The following FHIP1A variants were observed in gnomAD, a reference collection of about 807,000 sequenced individuals.
FHIP1A encodes the protein FHF complex subunit HOOK interacting protein 1A.
Under a neutral mutation model 88.6 loss-of-function variants are expected in FHIP1A, and 61 were observed. The observed-to-expected ratio is 0.69, with a 90% CI of 0.56 to 0.85. FHIP1A has a LOEUF of 0.85. Among genes scored for constraint, FHIP1A ranks in the 40% least tolerant of loss-of-function variants. The pLI is 0.00. For missense variants in FHIP1A, 1,154 were observed against 1,273.5 expected (o/e 0.91, Z 1.43); for synonymous variants, 478 against 496.0 (o/e 0.96, Z 0.48).
intron 2 of FHIP1A, among the ~76,000 whole-genome samples, chr4:151,478,780 TA>T (rs1002276476): frequency 5.3e-5 from 8 of 151,788 alleles, no homozygotes; most frequent in Admixed American, 4.6e-4. Context: ...AATAACTACT[TA>T]AAAAAAACAC....
chr4:151,435,118 C>A (rs1028816392), intron 1 of FHIP1A, among the ~76,000 whole-genome samples: 1 of 152,002 alleles, frequency 6.6e-6, no homozygotes, highest in African/African-American at 2.4e-5. Context: ...TGGGAACATT[C>A]CAATTCTTCT....
chr4:151,495,565 G>T (rs1405584422), intron 3 of FHIP1A, among the ~76,000 whole-genome samples: 2 of 150,940 alleles, frequency 1.3e-5, no homozygotes, highest in Non-Finnish European at 3.0e-5. Context: ...TTTAAAAGTG[G>T]TTTGTCTCTC....
chr4:151,504,534 T>G (rs1328960471), intron 3 of FHIP1A, among the ~76,000 whole-genome samples: 16 of 152,098 alleles, frequency 1.1e-4, no homozygotes, highest in Admixed American at 4.6e-4. Context: ...AACAAGAAAT[T>G]TATTAGCTCA....
intron 13 of FHIP1A, among the ~76,000 whole-genome samples, chr4:151,659,368 T>G (rs1737368565): frequency 6.6e-6 from 1 of 152,208 alleles, no homozygotes; most frequent in African/African-American, 2.4e-5. Flanking sequence ...TGTGACATGA[T>G]TTCCTGTAAA....
intron 2 of FHIP1A, among the ~76,000 whole-genome samples, chr4:151,456,279 G>A (rs1728965827): frequency 6.6e-6 from 1 of 151,740 alleles, no homozygotes; most frequent in Non-Finnish European, 1.5e-5. Flanking sequence ...ACTCTAAAAT[G>A]AAAACAAATG....
intron 4 of FHIP1A, 68 bp from the exon 5 acceptor site, chr4:151,577,382 C>A: frequency 7.0e-7 from 1 of 1,418,922 alleles, no homozygotes; most frequent in South Asian, 1.5e-5. Context: ...TTGGTAAAAT[C>A]AGTGGTGATA....
At chr4:151,629,164 C>T (rs1021291806) in intron 7 of FHIP1A, among the ~76,000 whole-genome samples, 8 of 152,180 alleles carry the variant, frequency 5.3e-5, no homozygotes, top group African/African-American at 1.2e-4. Flanking sequence ...AGAAACACAT[C>T]GGAACATCTG....
intron 3 of FHIP1A, among the ~76,000 whole-genome samples, chr4:151,552,149 T>G (rs1364929138): frequency 6.6e-6 from 1 of 152,186 alleles, no homozygotes; most frequent in Non-Finnish European, 1.5e-5. Context: ...CCAGTTAGAA[T>G]GGCAATCATT....
chr4:151,517,873 C>G (rs558200850), intron 3 of FHIP1A, among the ~76,000 whole-genome samples: 2 of 152,042 alleles, frequency 1.3e-5, no homozygotes, highest in South Asian at 2.1e-4. Flanking sequence ...TTTTGTACAG[C>G]TGTACAATCT....
chr4:151,556,690 A>T (rs532751990), intron 3 of FHIP1A, among the ~76,000 whole-genome samples: 1 of 152,220 alleles, frequency 6.6e-6, no homozygotes, highest in South Asian at 2.1e-4. Context: ...GCCCCCTTAA[A>T]ACCAGAGATT....
chr4:151,649,740 G>T lies in FHIP1A; in HGVS notation c.1699G>T (p.Ala567Ser), dbSNP rs1490084216. The T allele has an allele frequency of 5.8e-6, 9 of 1,551,656 alleles. No homozygotes were observed. In the South Asian group the frequency reaches 9.5e-5, roughly 16 times the overall value. ...CCCCAGGAAGACAGGACCTCAGCTG[G>T]CTCCCAGAAAGGACAAGAGCCAGAC... ...QLPRKTGPQL[A>S]PRKDKSQTEL... Residue 567 changes from alanine (A) to serine (S), a missense_variant, in exon 11 of 14, where the codon GCT becomes TCT. By Grantham distance (99) the Ala-to-Ser change is moderately conservative. Transcript: ENST00000435205.
chr4:151,542,645 A>G (rs1393730400), intron 3 of FHIP1A, among the ~76,000 whole-genome samples: 1 of 152,158 alleles, frequency 6.6e-6, no homozygotes, highest in Non-Finnish European at 1.5e-5. Context: ...CAGTTGCCTC[A>G]TGAACTGGCC....
At chr4:151,500,743 C>G (rs1730621477) in intron 3 of FHIP1A, among the ~76,000 whole-genome samples, 1 of 152,192 alleles carries the variant, frequency 6.6e-6, no homozygotes, top group African/African-American at 2.4e-5. Context: ...ATTTTTAGAT[C>G]ATTCCAGGAA....
intron 3 of FHIP1A, among the ~76,000 whole-genome samples, chr4:151,521,833 T>A (rs1329192196): frequency 6.6e-6 from 1 of 152,142 alleles, no homozygotes; most frequent in Non-Finnish European, 1.5e-5. Flanking sequence ...CAAGTGATCC[T>A]CCCACCTCAC....
intron 3 of FHIP1A, among the ~76,000 whole-genome samples, chr4:151,540,537 G>T (rs904563449): frequency 2.6e-5 from 4 of 152,102 alleles, no homozygotes; most frequent in Admixed American, 6.5e-5. Context: ...ATTAAGTGGT[G>T]CTTATTCAAT....
chr4:151,604,804 G>A (rs575964507), intron 7 of FHIP1A, among the ~76,000 whole-genome samples: 16 of 151,254 alleles, frequency 1.1e-4, no homozygotes, highest in South Asian at 2.1e-4. Flanking sequence ...AGCTGAGATC[G>A]CGCCACTGTA....
At chr4:151,507,377 G>A (rs973582780) in intron 3 of FHIP1A, among the ~76,000 whole-genome samples, 1 of 152,078 alleles carries the variant, frequency 6.6e-6, no homozygotes, top group Non-Finnish European at 1.5e-5. Flanking sequence ...TCCTGCCTTG[G>A]CCTCCCAAAG....
chr4:151,576,102 G>A (rs1733780224), intron 4 of FHIP1A, among the ~76,000 whole-genome samples: 2 of 152,322 alleles, frequency 1.3e-5, no homozygotes, highest in South Asian at 2.1e-4. Flanking sequence ...TTAAATGGAA[G>A]TTGAGATAAC....
chr4:151,495,141 T>G (rs999663710), intron 3 of FHIP1A, among the ~76,000 whole-genome samples: 33 of 152,172 alleles, frequency 2.2e-4, no homozygotes, highest in African/African-American at 7.5e-4. Context: ...ATAGTTTGAC[T>G]TCCTCTCTCC....
Sources: allele counts gnomAD v4.1 joint callset (sites outside exome capture counted in the v4.1 genomes callset), GRCh38; gene constraint gnomAD v4.1.1; transcripts MANE v1.5; gene names NCBI Gene and HGNC (gene_info 2026-07-23, HGNC 2026-07-21).